KIF11: variants seen among roughly 807,000 people sequenced by gnomAD.
KIF11 encodes the protein kinesin family member 11.
Under a neutral mutation model 121.0 loss-of-function variants are expected in KIF11, and 9 were observed. That is an observed-to-expected ratio of 0.07 (90% CI 0.04 to 0.13). KIF11 has a LOEUF of 0.13. Ranked by LOEUF, KIF11 falls within the 10% of genes least tolerant of loss-of-function variation. KIF11 has a pLI of 1.00. For synonymous variants in KIF11, 408 were observed against 421.0 expected, an observed-to-expected ratio of 0.97 and a Z score of 0.38; for missense variants, 846 against 1,217.5, an observed-to-expected ratio of 0.69 and a Z score of 4.54.
At chr10:92,625,021 C>T (rs1308265067) in intron 10 of KIF11, among the ~76,000 whole-genome samples, 1 of 151,986 alleles carries the variant, frequency 6.6e-6, no homozygotes, top group Non-Finnish European at 1.5e-5. Context: ...CTGCCCACCT[C>T]GGCCTCCCAA....
At chr10:92,633,357 G>A (rs1266519232) in intron 13 of KIF11, among the ~76,000 whole-genome samples, 1 of 151,180 alleles carries the variant, frequency 6.6e-6, no homozygotes, top group African/African-American at 2.4e-5. Context: ...GAGATTAATT[G>A]TAGAATATTC....
intron 8 of KIF11, among the ~76,000 whole-genome samples, chr10:92,616,218 T>G (rs1362022256): frequency 1.3e-5 from 2 of 151,548 alleles, no homozygotes; most frequent in Non-Finnish European, 2.9e-5. Context: ...TTTTTTTGTT[T>G]TTTTTTTTTG....
intron 9 of KIF11, among the ~76,000 whole-genome samples, chr10:92,619,587 G>A (rs1390063878): frequency 6.6e-6 from 1 of 152,064 alleles, no homozygotes; most frequent in African/African-American, 2.4e-5. Context: ...CAAATTGGCT[G>A]TATCATTTTA....
In KIF11 at chr10:92,630,091, A is replaced by T; in HGVS notation, c.1306-85A>T. ...TAACTTCTTACAACTTTTGCATGGA[A>T]ATAATTTGTTTCATTTTTCTAATCT... On this transcript the variant is annotated intron_variant, in intron 11 of 21. Coordinates refer to ENST00000260731, the MANE Select transcript of KIF11 (RefSeq NM_004523.4). The T allele has an allele frequency of 4.3e-6, 3 of 693,636 alleles. No individual in the cohort carries two copies. The Admixed American group carries it at 1.1e-4, about 26-fold the overall frequency. 43.0% of individuals were successfully genotyped at this position (693,636 alleles called of 1,614,324 possible). A position where few individuals can be genotyped will look rare whatever the true frequency, so the allele number is the denominator to read the frequency against.
At chr10:92,614,021 TACACACACACACAC>T (rs71028831) in intron 8 of KIF11, among the ~76,000 whole-genome samples, 122 of 127,050 alleles carry the variant, frequency 9.6e-4, no homozygotes, top group Middle Eastern at 4.6e-3. Context: ...AGTATGTGTA[TACACACACACACAC>T]ACACACACAC....
At chr10:92,608,574 G>A (rs1302010288) in intron 4 of KIF11, among the ~76,000 whole-genome samples, 1 of 152,112 alleles carries the variant, frequency 6.6e-6, no homozygotes, top group Non-Finnish European at 1.5e-5. Context: ...GAGTAGCTGG[G>A]ACTACAGGTA....
At chr10:92,611,463 C>T (rs957955321) in intron 6 of KIF11, among the ~76,000 whole-genome samples, 2 of 151,962 alleles carry the variant, frequency 1.3e-5, no homozygotes, top group Non-Finnish European at 1.5e-5. Context: ...CCGTCCACCT[C>T]GGCTTCCCAA....
At chr10:92,611,670 G>A (rs144830115) in intron 6 of KIF11, among the ~76,000 whole-genome samples, 5,316 of 152,164 alleles carry the variant, frequency 0.035, 350 homozygotes, top group African/African-American at 0.12. Flanking sequence ...AGGCCAAGGT[G>A]GGTGGATCAC....
chr10:92,603,263 C>CTTTTTTTTTTTTTTTT (rs368046931), intron 1 of KIF11, among the ~76,000 whole-genome samples: 4 of 109,172 alleles, frequency 3.7e-5, no homozygotes, highest in African/African-American at 7.4e-5. Flanking sequence ...CTTTTCTTTT[C>CTTTTTTTTTTTTTTTT]TTTTTTTTTT....
intron 6 of KIF11, among the ~76,000 whole-genome samples, chr10:92,611,841 G>T (rs2135904239): frequency 6.6e-6 from 1 of 152,302 alleles, no homozygotes; most frequent in African/African-American, 2.4e-5. Flanking sequence ...AGAAGTTTCA[G>T]TGAGCTGAGA....
chr10:92,601,951 AGTTT>A (rs1186746609), intron 1 of KIF11, among the ~76,000 whole-genome samples: 1 of 152,060 alleles, frequency 6.6e-6, no homozygotes, highest in African/African-American at 2.4e-5. Flanking sequence ...CTCTATTCCT[AGTTT>A]GTTGAGCATT....
In KIF11 at chr10:92,649,984, C is replaced by A; in HGVS notation, c.2920C>A (p.Pro974Thr). 2 of 1,605,256 alleles carry A rather than the reference C, an allele frequency of 1.2e-6. No homozygotes were observed. Among genetic ancestry groups the A allele is most frequent in the Non-Finnish European group, 1.7e-6 (2 of 1,173,350 alleles). The change falls in exon 20 of 22, where the codon CCG becomes ACG. Residue 974 changes from proline (P) to threonine (T), a missense_variant and splice_region_variant. Physicochemically the swap from Pro to Thr is conservative, Grantham distance 38 (BLOSUM62 -1). Transcript: ENST00000260731. ...CSENNKEETI[P>T]DVDVEEAVLG... is the part of the protein sequence containing the mutation. ...AGAAAACAACAAAGAAGAGACAATT[C>A]CGGTAAATTTAAAGGATCATATTTT...
chr10:92,611,057 G>A (rs1436783305), intron 6 of KIF11, among the ~76,000 whole-genome samples: 1 of 151,906 alleles, frequency 6.6e-6, no homozygotes, highest in African/African-American at 2.4e-5. Context: ...TTGTATAAAG[G>A]TCACTTTTTA....
chr10:92,631,874 C>A (rs139983119), intron 12 of KIF11, among the ~76,000 whole-genome samples: 5,167 of 152,102 alleles, frequency 0.034, 132 homozygotes, highest in Admixed American at 0.061. Context: ...TGGGTTTCAC[C>A]ATGTTGGCCA....
intron 21 of KIF11, among the ~76,000 whole-genome samples, chr10:92,651,515 T>TC (rs1844981892): frequency 1.5e-4 from 7 of 45,678 alleles, no homozygotes; most frequent in South Asian, 8.7e-4. Flanking sequence ...TTGTTTTTTT[T>TC]TTTTTTTTTT....
At chr10:92,635,097 AATTT>A (rs1389906303) in intron 14 of KIF11, among the ~76,000 whole-genome samples, 7 of 152,132 alleles carry the variant, frequency 4.6e-5, no homozygotes, top group Non-Finnish European at 1.0e-4. Context: ...TTAGCCATAT[AATTT>A]ATTTGTTTTC....
At chr10:92,633,975 T>A (rs750731552) in intron 14 of KIF11, among the ~76,000 whole-genome samples, 180 bp downstream of exon 14, 2 of 151,958 alleles carry the variant, frequency 1.3e-5, no homozygotes, top group Non-Finnish European at 2.9e-5. Context: ...ATATATATAT[T>A]TTGTTTTGTT....
At chr10:92,630,867 CAAAA>C (rs58123701) in intron 12 of KIF11, among the ~76,000 whole-genome samples, 2 of 100,018 alleles carry the variant, frequency 2.0e-5, no homozygotes, top group Admixed American at 2.4e-4. Flanking sequence ...AACTCCGTCT[CAAAA>C]AAAAAAAAAA....
intron 10 of KIF11, among the ~76,000 whole-genome samples, chr10:92,628,552 T>C (rs538846673): frequency 6.6e-6 from 1 of 152,210 alleles, no homozygotes; most frequent in African/African-American, 2.4e-5. Flanking sequence ...CCCTCATAGG[T>C]AGGGATTCTT....
Sources: gnomAD v4.1 joint callset for allele counts (sites outside exome capture counted in the v4.1 genomes callset) on GRCh38, gnomAD v4.1.1 for gene constraint, MANE v1.5 for transcripts, NCBI Gene and HGNC (gene_info 2026-07-23, HGNC 2026-07-21) for gene names.